The following ZMIZ1 variants were observed in gnomAD, a reference collection of about 807,000 sequenced individuals.
The protein encoded by ZMIZ1 is zinc finger MIZ-type containing 1.
A neutral mutation model predicts 113.9 loss-of-function variants in ZMIZ1; 17 were observed. That is an observed-to-expected ratio of 0.15 (90% CI 0.10 to 0.22). The LOEUF (loss-of-function observed/expected upper bound fraction) is 0.22. ZMIZ1 is among the 10% of genes least tolerant of loss of function. The pLI is 1.00. For synonymous variants in ZMIZ1, 607 were observed against 603.1 expected (o/e 1.01, Z -0.09); for missense variants, 1,059 against 1,477.8 (o/e 0.72, Z 4.65).
In ZMIZ1 at chr10:79,304,019, G is replaced by C; in HGVS notation, c.2130G>C (p.Lys710Asn). 1 of 1,614,030 alleles carries C rather than the reference G, an allele frequency of 6.2e-7. No homozygotes were observed. The highest frequency in any genetic ancestry group is 8.5e-7 in the Non-Finnish European group (1 of 1,180,046). ...TCTGTGCCTCCTGCCCCGCAGTCAA[G>C]CGGAATTTCAGCAGCGTGGCTGCCT... ...LPAEHCITKI[K>N]RNFSSVAASS... The change falls in exon 19 of 25, where the codon AAG becomes AAC. Residue 710 changes from lysine (K) to asparagine (N), a missense_variant. By Grantham distance (94) the Lys-to-Asn change is moderately conservative. Transcript: ENST00000334512.
chr10:79,298,678 C>G (rs1031681808), intron 15 of ZMIZ1, 98 bp downstream of exon 15: 6 of 1,141,094 alleles, frequency 5.3e-6, no homozygotes, highest in Admixed American at 5.1e-5. Flanking sequence ...GAGTGGGCAT[C>G]AGAAGGGGCA....
chr10:79,120,218 AGACG>A (rs1844227717), intron 2 of ZMIZ1, among the ~76,000 whole-genome samples: 1 of 152,232 alleles, frequency 6.6e-6, no homozygotes, highest in Non-Finnish European at 1.5e-5. Context: ...ACGTGTACAC[AGACG>A]TCGCTTCTGC....
chr10:79,135,231 G>A (rs930325166), intron 2 of ZMIZ1, among the ~76,000 whole-genome samples: 3 of 152,218 alleles, frequency 2.0e-5, no homozygotes, highest in Non-Finnish European at 4.4e-5. Flanking sequence ...AGGTCAGGAG[G>A]CCAGGCAGTT....
chr10:79,289,528 C>T (rs555043091), intron 8 of ZMIZ1, among the ~76,000 whole-genome samples: 1 of 152,324 alleles, frequency 6.6e-6, no homozygotes, highest in Admixed American at 6.5e-5. Flanking sequence ...GGGAGACACA[C>T]AGCCATGGAA....
At chr10:79,277,456 G>A (rs1188720140) in intron 8 of ZMIZ1, 131 bp downstream of exon 8, 2 of 1,210,256 alleles carry the variant, frequency 1.7e-6, no homozygotes, top group Non-Finnish European at 2.2e-6. Context: ...AGGTGCAGTT[G>A]TTTTTTTACA....
chr10:79,078,778 G>A (rs1397519647), intron 1 of ZMIZ1, among the ~76,000 whole-genome samples: 1 of 144,928 alleles, frequency 6.9e-6, no homozygotes, highest in Non-Finnish European at 1.5e-5. Context: ...TTGAACTGCT[G>A]GGCTCAAGCA....
At chr10:79,158,645 A>C (rs945522704) in intron 3 of ZMIZ1, among the ~76,000 whole-genome samples, 1 of 152,130 alleles carries the variant, frequency 6.6e-6, no homozygotes, top group African/African-American at 2.4e-5. Flanking sequence ...CTGATCCTGC[A>C]TCTCTCTGGG....
intron 3 of ZMIZ1, among the ~76,000 whole-genome samples, chr10:79,159,758 C>A (rs1846033485): frequency 6.6e-6 from 1 of 152,186 alleles, no homozygotes; most frequent in Admixed American, 6.5e-5. Flanking sequence ...TCACTGTCCC[C>A]CAACCAGAGC....
chr10:79,217,420 G>A (rs1192913215), intron 7 of ZMIZ1, among the ~76,000 whole-genome samples: 5 of 151,896 alleles, frequency 3.3e-5, no homozygotes, highest in South Asian at 2.1e-4. Flanking sequence ...GGGAGACTCC[G>A]TCTCAAAAAA....
At position 79,304,307 on chromosome 10, in the gene ZMIZ1, C is replaced by T. The variant is rs970417586; in HGVS notation, c.2286+132C>T. ...GGACGTCATGGAGATCAGCAGCTGG[C>T]GTCACTCATTAATTTCCGCCATCAT... On this transcript the variant is annotated intron_variant, in intron 19 of 24. Coordinates refer to ENST00000334512, the MANE Select transcript of ZMIZ1 (RefSeq NM_020338.4). The T allele has an allele frequency of 9.9e-6, 12 of 1,213,596 alleles. No homozygotes were observed. In the Admixed American group the frequency reaches 1.1e-4, roughly 11 times the overall value. The allele number at this position is 1,213,596 out of a possible 1,614,324, so 75.2% of individuals were successfully genotyped here.
At chr10:79,255,402 T>G (rs1850823732) in intron 7 of ZMIZ1, among the ~76,000 whole-genome samples, 1 of 152,232 alleles carries the variant, frequency 6.6e-6, no homozygotes, top group Non-Finnish European at 1.5e-5. Flanking sequence ...GCAAGTCTGC[T>G]GAAGCATGGG....
chr10:79,105,025 G>A (rs1030681641), intron 1 of ZMIZ1, among the ~76,000 whole-genome samples: 1 of 151,120 alleles, frequency 6.6e-6, no homozygotes, highest in African/African-American at 2.4e-5. Flanking sequence ...AAGCCATGGT[G>A]GAAAGTGAGG....
In ZMIZ1 at chr10:79,093,135, A is replaced by AACACAC. The variant is rs5786379; in HGVS notation, c.-337+23901_-337+23906dup. On this transcript the variant is annotated intron_variant, in intron 1 of 24. Coordinates refer to ENST00000334512, the MANE Select transcript of ZMIZ1 (RefSeq NM_020338.4). The stretch of plus-strand genomic sequence containing the variant: ...TCTTTCTACCACCCCCCCCACCCCC[A>AACACAC]ACACACACACACACACACACACACA... Among the ~76,000 whole-genome samples, 607 of 107,974 alleles carry AACACAC rather than the reference A, an allele frequency of 5.6e-3. 5 individuals are homozygous for AACACAC. The highest frequency in any genetic ancestry group is 0.014 in the Middle Eastern group (3 of 210). 70.8% of individuals were successfully genotyped at this position (107,974 alleles called of 152,430 possible). A position where few individuals can be genotyped will look rare whatever the true frequency, so the allele number is the denominator to read the frequency against.
chr10:79,144,308 C>T (rs778444724), intron 3 of ZMIZ1, among the ~76,000 whole-genome samples: 7 of 152,170 alleles, frequency 4.6e-5, no homozygotes, highest in East Asian at 1.9e-4. Context: ...GAACTGCATC[C>T]GTCTGACTCC....
intron 5 of ZMIZ1, among the ~76,000 whole-genome samples, chr10:79,205,886 C>T (rs1848297912): frequency 6.6e-6 from 1 of 152,108 alleles, no homozygotes; most frequent in Non-Finnish European, 1.5e-5. Flanking sequence ...TGCTTGAGCT[C>T]AGGAGTTTAA....
At position 79,292,232 on chromosome 10, in the gene ZMIZ1, A is replaced by G. The variant is rs1394878168; in HGVS notation, c.833A>G (p.Gln278Arg). 6.2e-7 allele frequency: 1 copy of G among 1,611,878 alleles called. No homozygotes were observed. Among genetic ancestry groups the G allele is most frequent in the Non-Finnish European group, 8.5e-7 (1 of 1,179,610 alleles). The change falls in exon 11 of 25, where the codon CAG becomes CGG. Residue 278 changes from glutamine to arginine, a missense_variant. Physicochemically the swap from Gln to Arg is conservative, Grantham distance 43. Transcript: ENST00000334512. ...ACCAGGCCGCCTGCTGACTTCACTC[A>G]GCCCGCGGCAGCCGCTGCAGCAGCG... ...PHTRPPADFT[Q>R]PAAAAAAAAV... is the part of the protein sequence containing the mutation.
intron 7 of ZMIZ1, among the ~76,000 whole-genome samples, chr10:79,244,855 C>T (rs762757183): frequency 1.5e-4 from 23 of 152,320 alleles, no homozygotes; most frequent in Admixed American, 3.9e-4. Context: ...GGGGCTCCGG[C>T]TCCCCCAGTT....
intron 2 of ZMIZ1, among the ~76,000 whole-genome samples, chr10:79,131,854 T>TA (rs751006875): frequency 1.4e-5 from 2 of 139,030 alleles, no homozygotes; most frequent in Non-Finnish European, 3.1e-5. Flanking sequence ...AGGCACAACT[T>TA]ACAGAGCAGA....
chr10:79,296,718 T>C lies in ZMIZ1; in HGVS notation c.1413+65T>C. ...CTCCTAACCACCTCACTCCCCTAAC[T>C]CCACCGGGATCACTCTGACCCTGCG... On this transcript the variant is annotated intron_variant, in intron 13 of 24. Transcript: ENST00000334512. The surrounding 1 kb of genome is among the most constrained non-coding windows in gnomAD (Gnocchi z 4.1). The C allele has an allele frequency of 6.9e-7, 1 of 1,440,678 alleles. No individual in the cohort carries two copies. Among genetic ancestry groups the C allele is most frequent in the Non-Finnish European group, 9.3e-7 (1 of 1,072,762 alleles). The allele number at this position is 1,440,678 out of a possible 1,614,324, so 89.2% of individuals were successfully genotyped here. A position where few individuals can be genotyped will look rare whatever the true frequency, so the allele number is the denominator to read the frequency against.
Sources: gnomAD v4.1 joint callset for allele counts (sites outside exome capture counted in the v4.1 genomes callset) on GRCh38, gnomAD v4.1.1 for gene constraint, Gnocchi (gnomAD v3.1) non-coding constraint, MANE v1.5 for transcripts, NCBI Gene and HGNC (gene_info 2026-07-23, HGNC 2026-07-21) for gene names.